The following VDAC1 variants were observed in gnomAD, a reference collection of about 807,000 sequenced individuals.
VDAC1 encodes non-selective voltage-gated ion channel VDAC1.
VDAC1 carries 10 observed loss-of-function variants against 34.7 expected under a neutral mutation model. The ratio of observed to expected loss-of-function variants is 0.29; its 90% CI spans 0.18 to 0.49. VDAC1 has a LOEUF of 0.49. Among genes scored for constraint, VDAC1 ranks in the 20% least tolerant of loss-of-function variants. The pLI, the probability that VDAC1 is intolerant of heterozygous loss-of-function variation, is 0.99. For missense variants in VDAC1, 230 were observed against 347.9 expected (o/e 0.66, Z 2.69); for synonymous variants, 130 against 136.0 (o/e 0.96, Z 0.30).
chr5:134,033,703 G>A, the VDAC1 span, among the ~76,000 whole-genome samples: 1 of 150,462 alleles, frequency 6.6e-6, no homozygotes, highest in African/African-American at 2.4e-5. Flanking sequence ...AAAAAGAGTC[G>A]AAATATAGGC....
chr5:134,037,550 CA>C, the VDAC1 span, among the ~76,000 whole-genome samples: 2 of 152,212 alleles, frequency 1.3e-5, no homozygotes, highest in African/African-American at 2.4e-5. Context: ...CTTCCTCAAC[CA>C]ACTGCAAATC....
the VDAC1 span, among the ~76,000 whole-genome samples, chr5:134,077,995 G>C: frequency 6.6e-6 from 1 of 152,242 alleles, no homozygotes; most frequent in Non-Finnish European, 1.5e-5. Context: ...AGCCGCATCA[G>C]GGAGCCTGGG....
At chr5:134,011,105 T>G in the VDAC1 span, among the ~76,000 whole-genome samples, 2 of 152,138 alleles carry the variant, frequency 1.3e-5, no homozygotes, top group Non-Finnish European at 2.9e-5. Flanking sequence ...TTAATATGTT[T>G]CTTGGCCACT....
At chr5:134,038,938 T>TTTTGTGTCTATCATTG in the VDAC1 span, among the ~76,000 whole-genome samples, 1 of 151,350 alleles carries the variant, frequency 6.6e-6, no homozygotes, top group Non-Finnish European at 1.5e-5. Context: ...AATGGGCCCA[T>TTTTGTGTCTATCATTG]AGAGGGCCCA....
chr5:134,001,670 TTGCACCAC>T, intron 1 of VDAC1, among the ~76,000 whole-genome samples: 1 of 146,388 alleles, frequency 6.8e-6, no homozygotes, highest in Middle Eastern at 3.6e-3. Flanking sequence ...GGAGCCGAGA[TTGCACCAC>T]TGCACTCCAG....
chr5:134,036,956 A>G, the VDAC1 span, among the ~76,000 whole-genome samples: 1 of 32,378 alleles, frequency 3.1e-5, no homozygotes, highest in African/African-American at 1.4e-4. Context: ...CCGTCTCAAA[A>G]AAAAAAACAA....
the VDAC1 span, among the ~76,000 whole-genome samples, chr5:134,087,792 G>T: frequency 4.0e-5 from 6 of 151,342 alleles, no homozygotes; most frequent in African/African-American, 9.7e-5. Flanking sequence ...GGAGGCGGAG[G>T]TTGCAGTGAG....
upstream of VDAC1, among the ~76,000 whole-genome samples, chr5:134,007,961 C>T (rs529791454): frequency 2.0e-5 from 3 of 152,248 alleles, no homozygotes; most frequent in Admixed American, 2.0e-4. Context: ...CAGGACAATC[C>T]TAACCTCAGT....
chr5:134,032,333 A>C, the VDAC1 span, among the ~76,000 whole-genome samples: 1 of 152,034 alleles, frequency 6.6e-6, no homozygotes, highest in Non-Finnish European at 1.5e-5. Flanking sequence ...CAAGACAATG[A>C]ATGTGTGTGG....
the VDAC1 span, among the ~76,000 whole-genome samples, chr5:134,079,695 A>G: frequency 6.6e-6 from 1 of 152,212 alleles, no homozygotes; most frequent in Admixed American, 6.5e-5. Context: ...TTGCTAGATC[A>G]TTTCCAAGGC....
the VDAC1 span, among the ~76,000 whole-genome samples, chr5:134,096,785 G>C: frequency 1.3e-5 from 2 of 152,044 alleles, no homozygotes; most frequent in South Asian, 2.1e-4. Flanking sequence ...GTAGAGAGAG[G>C]GTTTTTCATG....
the VDAC1 span, among the ~76,000 whole-genome samples, chr5:134,067,684 G>A: frequency 4.0e-4 from 60 of 149,052 alleles, no homozygotes; most frequent in African/African-American, 1.3e-3. Context: ...AGGGAGGAGA[G>A]GGGGAGGGAG....
At chr5:134,069,505 G>A in the VDAC1 span, among the ~76,000 whole-genome samples, 1 of 152,174 alleles carries the variant, frequency 6.6e-6, no homozygotes, top group Non-Finnish European at 1.5e-5. Context: ...GAAGCTGAAT[G>A]TCTGACAAGT....
the VDAC1 span, among the ~76,000 whole-genome samples, chr5:134,049,347 G>A: frequency 3.9e-5 from 6 of 152,120 alleles, no homozygotes; most frequent in African/African-American, 7.2e-5. Context: ...TCCTACCTCC[G>A]CTTCCTAAAG....
At chr5:134,083,730 G>A in the VDAC1 span, among the ~76,000 whole-genome samples, 1 of 152,248 alleles carries the variant, frequency 6.6e-6, no homozygotes, top group African/African-American at 2.4e-5. Flanking sequence ...AGGCTAGGGT[G>A]TGGAGCAGAC....
chr5:134,074,356 A>G, the VDAC1 span, among the ~76,000 whole-genome samples: 27 of 148,732 alleles, frequency 1.8e-4, no homozygotes, highest in Non-Finnish European at 4.0e-4. Flanking sequence ...AAATAAATAA[A>G]AGCTTTGAAA....
chr5:134,111,782 G>A, the VDAC1 span, among the ~76,000 whole-genome samples: 16 of 152,280 alleles, frequency 1.1e-4, no homozygotes, highest in East Asian at 3.1e-3. Context: ...TTTTATAATG[G>A]AACACTAGAG....
chr5:134,090,495 A>C, the VDAC1 span, among the ~76,000 whole-genome samples: 1 of 151,712 alleles, frequency 6.6e-6, no homozygotes, highest in African/African-American at 2.4e-5. Context: ...TGGCACAGAG[A>C]CTCCATAAGC....
intron 8 of VDAC1, 49 bp downstream of exon 8, chr5:133,973,742 A>G: frequency 6.3e-7 from 1 of 1,581,576 alleles, no homozygotes; most frequent in Non-Finnish European, 8.6e-7. Flanking sequence ...AACCAGCACC[A>G]CAATTTTTTT....
Sources: gnomAD v4.1 joint callset for allele counts (sites outside exome capture counted in the v4.1 genomes callset) on GRCh38, gnomAD v4.1.1 for gene constraint, MANE v1.5 for transcripts, NCBI Gene and HGNC (gene_info 2026-07-23, HGNC 2026-07-21) for gene names.